Variants in CACNA2D3 observed in about 807,000 individuals in gnomAD.
The protein encoded by CACNA2D3 is voltage-dependent calcium channel subunit alpha-2/delta-3.
A neutral mutation model predicts 160.6 loss-of-function variants in CACNA2D3; 60 were observed. The observed-to-expected ratio is 0.37, with a 90% CI of 0.30 to 0.46. The LOEUF (loss-of-function observed/expected upper bound fraction) is 0.46, where lower values mean the gene tolerates loss of function less well. CACNA2D3 is among the 20% of genes least tolerant of loss of function. The pLI is 1.00. For synonymous variants in CACNA2D3, 558 were observed against 492.9 expected (o/e 1.13, Z -1.75); for missense variants, 1,205 against 1,365.0 (o/e 0.88, Z 1.85).
chr3:54,868,292 C>T (rs536271133), intron 17 of CACNA2D3, among the ~76,000 whole-genome samples: 11 of 152,234 alleles, frequency 7.2e-5, no homozygotes, highest in African/African-American at 2.2e-4. Flanking sequence ...ACCCATTTTA[C>T]GTACCTGGCT....
intron 2 of CACNA2D3, among the ~76,000 whole-genome samples, chr3:54,249,778 T>A (rs1056842377): frequency 2.7e-5 from 4 of 150,022 alleles, no homozygotes; most frequent in African/African-American, 7.4e-5. Flanking sequence ...TTTTTTTTTT[T>A]ATGTGAGTGG....
chr3:54,518,026 A>G lies in CACNA2D3; in HGVS notation c.544+14372A>G, dbSNP rs62254235. 6.0e-3 allele frequency among the ~76,000 whole-genome samples: 920 copies of G among 152,246 alleles called. 3 individuals carry two copies. The highest frequency in any genetic ancestry group is 9.8e-3 in the Non-Finnish European group (667 of 68,018). On this transcript the variant is annotated intron_variant, in intron 5 of 37. Coordinates refer to ENST00000474759, the MANE Select transcript of CACNA2D3 (RefSeq NM_018398.3). ...GCTGGGCTTTCCTGGTGTCTTTCCA[A>G]CAAAGCACAGTGGGCTCCCATAAGT... is the stretch of plus-strand genomic sequence containing the variant.
intron 6 of CACNA2D3, among the ~76,000 whole-genome samples, chr3:54,563,920 C>T (rs1192194826): frequency 6.6e-6 from 1 of 152,156 alleles, no homozygotes; most frequent in Admixed American, 6.5e-5. Context: ...CAGAACATTT[C>T]CCAAGAGTCA....
At chr3:54,516,534 C>T (rs1701554494) in intron 5 of CACNA2D3, among the ~76,000 whole-genome samples, 1 of 152,178 alleles carries the variant, frequency 6.6e-6, no homozygotes, top group Non-Finnish European at 1.5e-5. Context: ...ATGCAACACA[C>T]TGGTACTTTA....
Position 55,018,282 on chromosome 3 carries a change from G to C in CACNA2D3, c.2952G>C (p.Glu984Asp), listed in dbSNP as rs757502008. The change falls in exon 35 of 38, where the codon GAG (glutamate) becomes GAC (aspartate). Residue 984 changes from glutamate to aspartate, a missense_variant. Glu to Asp is a conservative substitution (Grantham distance 45). This residue lies in a region of CACNA2D3 where 911 missense variants were observed against 1,002.2 expected (regional missense o/e 0.91). Transcript: ENST00000474759. ...TCGTCTCTGAGCGCACCATCAAGGA[G>C]ACTACAGGGAATATTGCTTGTGAAG... ...PAFVSERTIK[E>D]TTGNIACEDC... The C allele has an allele frequency of 1.9e-6, 3 of 1,612,728 alleles. No individual in the cohort carries two copies. The Admixed American group carries it at 5.0e-5, about 27-fold the overall frequency.
At chr3:54,867,633 C>T (rs141108827) in intron 17 of CACNA2D3, among the ~76,000 whole-genome samples, 1 of 151,882 alleles carries the variant, frequency 6.6e-6, no homozygotes, top group Non-Finnish European at 1.5e-5. Context: ...TCCAGGTGCA[C>T]ACACCACCTT....
At chr3:55,071,556 A>G (rs1042505633) in intron 35 of CACNA2D3, among the ~76,000 whole-genome samples, 2 of 151,856 alleles carry the variant, frequency 1.3e-5, no homozygotes, top group African/African-American at 4.9e-5. Context: ...ACTTCTTTAA[A>G]TATTTTACTC....
At chr3:54,944,534 C>T (rs752391006) in intron 27 of CACNA2D3, among the ~76,000 whole-genome samples, 7 of 152,056 alleles carry the variant, frequency 4.6e-5, no homozygotes, top group East Asian at 1.9e-4. Flanking sequence ...CATTCCCCTG[C>T]GTCAGCCTCC....
intron 21 of CACNA2D3, among the ~76,000 whole-genome samples, chr3:54,883,799 A>ATCTCTCTCACTCTCTCTCTCTCTC (rs1553904142): frequency 2.2e-4 from 24 of 107,478 alleles, no homozygotes; most frequent in Non-Finnish European, 3.7e-4. Flanking sequence ...TTACAATGGA[A>ATCTCTCTCACTCTCTCTCTCTCTC]TCTCTCTCTC....
intron 3 of CACNA2D3, among the ~76,000 whole-genome samples, chr3:54,355,687 C>T (rs1417541899): frequency 6.6e-5 from 10 of 152,026 alleles, no homozygotes; most frequent in South Asian, 4.2e-4. Flanking sequence ...TAAAAGATGC[C>T]GTTGGATCTG....
At chr3:54,717,718 CGT>C (rs541831766) in intron 11 of CACNA2D3, among the ~76,000 whole-genome samples, 205 of 110,678 alleles carry the variant, frequency 1.9e-3, no homozygotes, top group African/African-American at 7.1e-3. Flanking sequence ...TGCATGTGTG[CGT>C]GTGCGGTGTG....
At chr3:55,009,741 C>A (rs912501538) in intron 34 of CACNA2D3, among the ~76,000 whole-genome samples, 3 of 152,216 alleles carry the variant, frequency 2.0e-5, no homozygotes, top group African/African-American at 7.2e-5. Flanking sequence ...ATGGGCAATG[C>A]TGAAATAGAA....
Position 54,389,380 on chromosome 3 carries a change from G to T in CACNA2D3, c.381+2606G>T, listed in dbSNP as rs1699242874. 2.6e-5 allele frequency among the ~76,000 whole-genome samples: 4 copies of T among 152,108 alleles called. No homozygotes were observed. In the South Asian group the frequency reaches 6.2e-4, roughly 24 times the overall value. On this transcript the variant is annotated intron_variant, in intron 4 of 37. Coordinates refer to ENST00000474759, the MANE Select transcript of CACNA2D3 (RefSeq NM_018398.3). Reference sequence around the variant, plus strand: ...AAAATGATTGAGTTAGAAAATTATGGTAATTAACTGAGGCAAGAATCTTCA... The same window carrying T: ...AAAATGATTGAGTTAGAAAATTATGTTAATTAACTGAGGCAAGAATCTTCA...
chr3:54,757,732 C>T (rs1039713987), intron 12 of CACNA2D3, among the ~76,000 whole-genome samples: 1 of 152,178 alleles, frequency 6.6e-6, no homozygotes, highest in Non-Finnish European at 1.5e-5. Context: ...TGTGCATTAC[C>T]TCTTTTGATC....
intron 27 of CACNA2D3, among the ~76,000 whole-genome samples, chr3:54,956,535 G>T (rs1466719358): frequency 1.3e-5 from 2 of 152,116 alleles, no homozygotes; most frequent in Admixed American, 1.3e-4. Flanking sequence ...ACCAACCTAG[G>T]ATTTTGTGCA....
intron 12 of CACNA2D3, among the ~76,000 whole-genome samples, chr3:54,761,125 T>C (rs1239935647): frequency 6.6e-6 from 1 of 152,192 alleles, no homozygotes; most frequent in African/African-American, 2.4e-5. Context: ...AATTCATCTT[T>C]CTTCCCTTGG....
intron 2 of CACNA2D3, among the ~76,000 whole-genome samples, chr3:54,316,814 A>G (rs1374144109): frequency 6.6e-6 from 1 of 152,224 alleles, no homozygotes; most frequent in Non-Finnish European, 1.5e-5. Flanking sequence ...AGTTCAATAA[A>G]TCGATTCCCT....
intron 2 of CACNA2D3, among the ~76,000 whole-genome samples, chr3:54,269,055 TG>T: frequency 6.6e-6 from 1 of 152,154 alleles, no homozygotes; most frequent in Non-Finnish European, 1.5e-5. Context: ...TGGCTTGGTT[TG>T]GTTCTTTGCT....
intron 11 of CACNA2D3, among the ~76,000 whole-genome samples, chr3:54,688,927 A>T (rs921987666): frequency 4.5e-5 from 6 of 132,054 alleles, no homozygotes; most frequent in Non-Finnish European, 9.3e-5. Context: ...GGTTGCAGTG[A>T]GCTGAAATTG....
Sources: allele counts gnomAD v4.1 joint callset (sites outside exome capture counted in the v4.1 genomes callset), GRCh38; gene constraint gnomAD v4.1.1; regional missense constraint gnomAD v4.1.1; transcripts MANE v1.5; gene names NCBI Gene and HGNC (gene_info 2026-07-23, HGNC 2026-07-21).